Variants in PNPLA7 observed in about 807,000 individuals in gnomAD.
PNPLA7 encodes the protein patatin-like phospholipase domain-containing protein 7.
In PNPLA7, 153 loss-of-function variants were observed where a neutral mutation model predicts 161.7. The observed-to-expected ratio is 0.95, with a 90% CI of 0.83 to 1.08. The LOEUF is 1.08. Ranked by LOEUF, PNPLA7 falls within the 50% of genes least tolerant of loss-of-function variation. The probability of loss-of-function intolerance (pLI) is 0.00; values close to 1 mark genes in which losing one functional copy is unlikely to be tolerated. For missense variants in PNPLA7, 1,739 were observed against 1,856.6 expected (o/e 0.94, Z 1.16); for synonymous variants, 809 against 782.1 (o/e 1.03, Z -0.57).
chr9:137,514,342 C>T (rs375647480), intron 12 of PNPLA7, among the ~76,000 whole-genome samples: 70 of 116,684 alleles, frequency 6.0e-4, no homozygotes, highest in Non-Finnish European at 6.9e-4. Flanking sequence ...GCCCCGTGGC[C>T]GGGCTGCGGG....
At position 137,540,610 on chromosome 9, in the gene PNPLA7, G is replaced by A; in HGVS notation, c.747+32C>T. 6.3e-7 allele frequency: 1 copy of A among 1,580,436 alleles called. No homozygotes were observed. Among genetic ancestry groups the A allele is most frequent in the Non-Finnish European group, 8.6e-7 (1 of 1,161,174 alleles). On this transcript the variant is annotated intron_variant, in intron 8 of 34. Transcript: ENST00000406427. This position sits in a 1 kb window ranked among gnomAD's most constrained non-coding sequence, Gnocchi z 5.1. ...CCAGGCCTCCGGGGCCAACCCAGGG[G>A]CGCCCGGAGGGCCAGGCAGCGGGGG...
At chr9:137,507,218 A>T (rs1240255998) in intron 12 of PNPLA7, among the ~76,000 whole-genome samples, 1 of 152,252 alleles carries the variant, frequency 6.6e-6, no homozygotes, top group Non-Finnish European at 1.5e-5. Flanking sequence ...TTTTTTAAAA[A>T]AATCCGAACT....
In PNPLA7 at chr9:137,550,282, A is replaced by G; in HGVS notation, c.-85T>C. ...CACACCTCTACCCGCTCATGCTCACACCTGGACACTTTTCCCTGGGTTCCT... is the reference window on the plus strand; with the variant it reads ...CACACCTCTACCCGCTCATGCTCACGCCTGGACACTTTTCCCTGGGTTCCT... On this transcript the variant is annotated 5_prime_UTR_variant, in exon 1 of 35. Transcript: ENST00000406427. 1 of 1,443,014 alleles carries G rather than the reference A, an allele frequency of 6.9e-7. No homozygotes were observed. Among genetic ancestry groups the G allele is most frequent in the African/African-American group, 1.4e-5 (1 of 71,428 alleles). The allele number at this position is 1,443,014 out of a possible 1,614,324, so 89.4% of individuals were successfully genotyped here. A position where few individuals can be genotyped will look rare whatever the true frequency, so the allele number is the denominator to read the frequency against.
chr9:137,512,578 G>C (rs1834296559), intron 12 of PNPLA7, among the ~76,000 whole-genome samples: 1 of 152,164 alleles, frequency 6.6e-6, no homozygotes. Flanking sequence ...AGTTTATGGA[G>C]TCATCAAACC....
intron 11 of PNPLA7, among the ~76,000 whole-genome samples, chr9:137,518,035 T>C (rs1393785641): frequency 6.2e-5 from 6 of 97,548 alleles, no homozygotes; most frequent in South Asian, 3.7e-4. Context: ...CTCGACTCTG[T>C]CCACTCCATC....
chr9:137,461,523 C>A lies in PNPLA7; in HGVS notation c.3841+13G>T. Reference sequence around the variant, plus strand: ...CGCACGTCTCCACGGCTTCGTCTTGCGCCTCCACTCACCATCCACCATGGC... The same window carrying A: ...CGCACGTCTCCACGGCTTCGTCTTGAGCCTCCACTCACCATCCACCATGGC... On this transcript the variant is annotated intron_variant, in intron 33 of 34. Transcript: ENST00000406427. 1 of 1,608,298 alleles carries A rather than the reference C, an allele frequency of 6.2e-7. No homozygotes were observed. Among genetic ancestry groups the A allele is most frequent in the Non-Finnish European group, 8.5e-7 (1 of 1,176,582 alleles).
Position 137,478,106 on chromosome 9 carries a change from G to C in PNPLA7, c.2810C>G (p.Ser937Ter), listed in dbSNP as rs754747781. The change falls in exon 25 of 35, where the codon TCA becomes TGA. Residue 937 changes from serine to a stop codon, truncating the protein, a stop_gained. Coordinates refer to ENST00000406427, the MANE Select transcript of PNPLA7 (RefSeq NM_001098537.3). LOFTEE classifies it high-confidence loss of function. ...CACCCTCGCCAGGCGGGAGAAGTCT[G>C]AGTGTCGGTCCGGGGGCCGCTGGAA... ...HVFQRPPDRH[S>*]DFSRLARVLT... is the part of the protein sequence containing the mutation. 42 of 1,364,380 alleles carry C rather than the reference G, an allele frequency of 3.1e-5. No homozygotes were observed. In the East Asian group the frequency reaches 1.3e-3, roughly 41 times the overall value. 84.5% of individuals were successfully genotyped at this position (1,364,380 alleles called of 1,614,324 possible). A position where few individuals can be genotyped will look rare whatever the true frequency, so the allele number is the denominator to read the frequency against.
intron 25 of PNPLA7, among the ~76,000 whole-genome samples, chr9:137,469,582 TGA>T (rs1228163741): frequency 6.6e-6 from 1 of 152,216 alleles, no homozygotes; most frequent in Non-Finnish European, 1.5e-5. Context: ...TGAGTGGTTG[TGA>T]GAGAGTATAT....
Position 137,497,276 on chromosome 9 carries a change from G to C in PNPLA7, c.1924C>G (p.Leu642Val). ...GDKSDCTYIMLSGRLRSVIRK... is the reference protein window; with the variant it reads ...GDKSDCTYIMVSGRLRSVIRK... ...ATCACAGAGCGCAGCCGGCCGCTGA[G>C]CATGATGTACGTGCAGTCGGACTTG... The change falls in exon 18 of 35, where the codon CTC becomes GTC. Residue 642 changes from leucine to valine, a missense_variant. Physicochemically the swap from Leu to Val is conservative, Grantham distance 32. This residue lies in a region of PNPLA7 where 481 missense variants were observed against 450.0 expected (regional missense o/e 1.07). Coordinates refer to ENST00000406427, the MANE Select transcript of PNPLA7 (RefSeq NM_001098537.3). 10 of 1,588,392 alleles carry C rather than the reference G, an allele frequency of 6.3e-6. No homozygotes were observed. Among genetic ancestry groups the C allele is most frequent in the Non-Finnish European group, 8.6e-6 (10 of 1,168,142 alleles).
rs1411547905 is a variant in PNPLA7 at position 137,478,043 on chromosome 9, C to A, written c.2873G>T (p.Gly958Val). Residue 958 changes from glycine (G) to valine (V), a missense_variant, in exon 25 of 35, where the codon GGG becomes GTG. This residue lies in a region of PNPLA7 where 703 missense variants were observed against 694.6 expected (regional missense o/e 1.01). Transcript: ENST00000406427. ...AAGCGGGGGGACTCACCTTGCTCCC[C>A]CTCCCCCAAGCACCAGGGCAATGGC... Reference protein sequence around the residue: ...GNAIALVLGGGGARGCAQVGV... With the variant: ...GNAIALVLGGVGARGCAQVGV... 7.7e-6 allele frequency: 11 copies of A among 1,427,020 alleles called. No individual in the cohort carries two copies. The highest frequency in any genetic ancestry group is 5.5e-5 in the Admixed American group (2 of 36,508). The allele number at this position is 1,427,020 out of a possible 1,614,324, so 88.4% of individuals were successfully genotyped here.
chr9:137,545,637 A>C (rs1261386418), intron 4 of PNPLA7, among the ~76,000 whole-genome samples: 1 of 152,272 alleles, frequency 6.6e-6, no homozygotes, highest in Non-Finnish European at 1.5e-5. Context: ...ATCATTAATC[A>C]TTAGCTTGTA....
chr9:137,520,534 A>G lies in PNPLA7; in HGVS notation c.958-491T>C, dbSNP rs1009854234. On this transcript the variant is annotated intron_variant, in intron 10 of 34. Transcript: ENST00000406427. The surrounding 1 kb of genome is among the most constrained non-coding windows in gnomAD (Gnocchi z 5.2). ...AATGTCATCAGAATTATGATTTCCA[A>G]CTGAAATGCACATACTAAAGACTAA... Among the ~76,000 whole-genome samples the G allele has an allele frequency of 1.3e-5, 2 of 152,230 alleles. No homozygotes were observed. The highest frequency in any genetic ancestry group is 6.5e-5 in the Admixed American group (1 of 15,286).
chr9:137,479,957 G>A (rs972826433), intron 23 of PNPLA7: 8 of 927,700 alleles, frequency 8.6e-6, no homozygotes, highest in Middle Eastern at 5.6e-4. Flanking sequence ...GAACGACGCC[G>A]ACACCTAAGT....
intron 8 of PNPLA7, among the ~76,000 whole-genome samples, chr9:137,527,367 C>T (rs188544397): frequency 1.9e-3 from 296 of 151,896 alleles, no homozygotes; most frequent in Non-Finnish European, 3.4e-3. Flanking sequence ...CAGTCTTTCA[C>T]GATCAGGCAC....
chr9:137,515,576 G>A (rs1037358385), intron 11 of PNPLA7, 57 bp from the exon 12 acceptor site: 4 of 1,471,224 alleles, frequency 2.7e-6, no homozygotes, highest in Non-Finnish European at 3.6e-6. Flanking sequence ...GGTGTCTGGT[G>A]CAGCCCATTC....
intron 12 of PNPLA7, among the ~76,000 whole-genome samples, chr9:137,506,483 A>T (rs1293736061): frequency 6.6e-6 from 1 of 152,070 alleles, no homozygotes; most frequent in Non-Finnish European, 1.5e-5. Flanking sequence ...TGTCCATCTC[A>T]GGGATGCTGC....
intron 4 of PNPLA7, among the ~76,000 whole-genome samples, chr9:137,544,107 C>A (rs1257051363): frequency 1.3e-5 from 2 of 152,236 alleles, no homozygotes; most frequent in Non-Finnish European, 2.9e-5. Context: ...CTGACACCCG[C>A]TCCATCTTTG....
Position 137,506,811 on chromosome 9 carries a change from G to A in PNPLA7, c.1226-728C>T, listed in dbSNP as rs541043517. On this transcript the variant is annotated intron_variant, in intron 12 of 34. Transcript: ENST00000406427. The stretch of plus-strand genomic sequence containing the variant: ...CTGAGGAAGGGTGCACGCTTTGCAC[G>A]ACGGGGTCACGCACTTCCAGGCACA... Among the ~76,000 whole-genome samples, 6 of 152,376 alleles carry A rather than the reference G, an allele frequency of 3.9e-5. 1 individual carries two copies. The highest frequency in any genetic ancestry group is 2.0e-4 in the Admixed American group (3 of 15,308).
chr9:137,504,288 T>TGCAACATCCGTCTCCCAGGTTCAA (rs1267558960), intron 14 of PNPLA7, among the ~76,000 whole-genome samples: 2 of 152,104 alleles, frequency 1.3e-5, no homozygotes, highest in African/African-American at 4.8e-5. Flanking sequence ...CTTGGCTCAC[T>TGCAACATCCGTCTCCCAGGTTCAA]GCAACATCCG....
Sources: gnomAD v4.1 joint callset for allele counts (sites outside exome capture counted in the v4.1 genomes callset) on GRCh38, gnomAD v4.1.1 for gene constraint, gnomAD v4.1.1 regional missense constraint, Gnocchi (gnomAD v3.1) non-coding constraint, MANE v1.5 for transcripts, NCBI Gene and HGNC (gene_info 2026-07-23, HGNC 2026-07-21) for gene names.